The following PCDHGA11 variants were observed in gnomAD, a reference collection of about 807,000 sequenced individuals.
The protein encoded by PCDHGA11 is protocadherin gamma-A11.
PCDHGA11 carries 39 observed loss-of-function variants against 60.4 expected under a neutral mutation model. That is an observed-to-expected ratio of 0.65 (90% CI 0.50 to 0.84). The LOEUF (loss-of-function observed/expected upper bound fraction) is 0.84. Among genes scored for constraint, PCDHGA11 ranks in the 40% least tolerant of loss-of-function variants. The pLI, the probability that PCDHGA11 is intolerant of heterozygous loss-of-function variation, is 0.00. For synonymous variants in PCDHGA11, 533 were observed against 510.3 expected, an observed-to-expected ratio of 1.04 and a Z score of -0.60; for missense variants, 1,165 against 1,197.7, an observed-to-expected ratio of 0.97 and a Z score of 0.40.
chr5:141,425,714 A>G (rs1259037833), intron 1 of PCDHGA11, among the ~76,000 whole-genome samples: 1 of 152,218 alleles, frequency 6.6e-6, no homozygotes, highest in African/African-American at 2.4e-5. Context: ...AAATTTTCCC[A>G]TACCACTTGA....
intron 1 of PCDHGA11, among the ~76,000 whole-genome samples, chr5:141,439,595 G>A (rs752771969): frequency 3.9e-5 from 6 of 152,192 alleles, no homozygotes; most frequent in Non-Finnish European, 5.9e-5. Flanking sequence ...CTGTTGGCCA[G>A]TCTGGAAACA....
At chr5:141,466,574 T>C (rs978880367) in intron 1 of PCDHGA11, among the ~76,000 whole-genome samples, 5 of 152,218 alleles carry the variant, frequency 3.3e-5, no homozygotes, top group Non-Finnish European at 5.9e-5. Flanking sequence ...CAACATTGTC[T>C]CATCCCTTCT....
chr5:141,497,084 G>A (rs1417389801), intron 2 of PCDHGA11, among the ~76,000 whole-genome samples: 1 of 152,098 alleles, frequency 6.6e-6, no homozygotes, highest in East Asian at 1.9e-4. Context: ...AGCGACTTAG[G>A]AGGCTGAGGC....
In PCDHGA11 at chr5:141,485,308, A is replaced by G; in HGVS notation, c.2434-9499A>G. On this transcript the variant is annotated intron_variant, in intron 1 of 3. Coordinates refer to ENST00000398587, the MANE Select transcript of PCDHGA11 (RefSeq NM_018914.3). The surrounding 1 kb of genome is among the most constrained non-coding windows in gnomAD (Gnocchi z 5.7). ...AGGAGTCACAGGAAGGGACTTTTGTAGGGAATGTCGCTCAAGATTTCCTGC... is the reference window on the plus strand; with the variant it reads ...AGGAGTCACAGGAAGGGACTTTTGTGGGGAATGTCGCTCAAGATTTCCTGC... 6.2e-7 allele frequency: 1 copy of G among 1,614,112 alleles called. No individual in the cohort carries two copies. The highest frequency in any genetic ancestry group is 8.5e-7 in the Non-Finnish European group (1 of 1,179,996).
chr5:141,489,288 G>A lies in PCDHGA11; in HGVS notation c.2434-5519G>A. 6.3e-7 allele frequency: 1 copy of A among 1,575,870 alleles called. No homozygotes were observed. Among genetic ancestry groups the A allele is most frequent in the Non-Finnish European group, 8.6e-7 (1 of 1,161,152 alleles). On this transcript the variant is annotated intron_variant, in intron 1 of 3. Coordinates refer to ENST00000398587, the MANE Select transcript of PCDHGA11 (RefSeq NM_018914.3). The surrounding 1 kb of genome is among the most constrained non-coding windows in gnomAD (Gnocchi z 4.5). ...AGCTCGCTGGGAAATGGCAAGTGCT[G>A]TGCATGTTGTCCTTGTGCTGCTGGG...
chr5:141,511,632 G>A lies in PCDHGA11; in HGVS notation c.*459G>A, dbSNP rs1388627906. The A allele has an allele frequency of 8.6e-6, 2 of 231,934 alleles. No homozygotes were observed. The highest frequency in any genetic ancestry group is 5.1e-5 in the Admixed American group (1 of 19,634). 14.4% of individuals were successfully genotyped at this position (231,934 alleles called of 1,614,324 possible). A position where few individuals can be genotyped will look rare whatever the true frequency, so the allele number is the denominator to read the frequency against. On this transcript the variant is annotated 3_prime_UTR_variant, in exon 4 of 4. Transcript: ENST00000398587. ...CCTCCTAGTTCTGAAAAGTTGGAAG[G>A]GCATCATGACCTCTTGGCCTCTCCT...
chr5:141,497,919 T>G (rs762168347), intron 2 of PCDHGA11, among the ~76,000 whole-genome samples: 11 of 152,206 alleles, frequency 7.2e-5, no homozygotes, highest in Non-Finnish European at 1.6e-4. Flanking sequence ...TCTCCTTCAT[T>G]CATTCAACAA....
chr5:141,478,497 CGGTGTTCTATAGGCA>C, intron 1 of PCDHGA11: 1 of 1,612,820 alleles, frequency 6.2e-7, no homozygotes, highest in South Asian at 1.1e-5. Flanking sequence ...AGCTGTGATC[CGGTGTTCTATAGGCA>C]GGTGTTGGGT....
intron 1 of PCDHGA11, among the ~76,000 whole-genome samples, chr5:141,456,969 A>G (rs2098901241): frequency 1.4e-5 from 2 of 147,268 alleles, no homozygotes; most frequent in Non-Finnish European, 3.1e-5. Flanking sequence ...TCTCAAAACA[A>G]AACAAACAAA....
intron 1 of PCDHGA11, among the ~76,000 whole-genome samples, chr5:141,465,984 T>C (rs11953841): frequency 0.18 from 27,399 of 151,848 alleles, 2,640 homozygotes; most frequent in Admixed American, 0.28. Context: ...TAGCCGGGCA[T>C]GGTGGCAGGC....
At chr5:141,459,199 A>G (rs930769883) in intron 1 of PCDHGA11, among the ~76,000 whole-genome samples, 6 of 152,200 alleles carry the variant, frequency 3.9e-5, no homozygotes, top group African/African-American at 1.4e-4. Flanking sequence ...TTTGCAATCA[A>G]TTCACTACTT....
In PCDHGA11 at chr5:141,491,491, G is replaced by C. The variant is rs2099717103; in HGVS notation, c.2434-3316G>C. The C allele has an allele frequency of 1.2e-6, 2 of 1,614,042 alleles. No homozygotes were observed. The highest frequency in any genetic ancestry group is 1.7e-5 in the Admixed American group (1 of 60,016). The stretch of plus-strand genomic sequence containing the variant: ...TAAGCAGTCCAGCCCCAACCTGCAG[G>C]TGAGCTCGGACGGCACGCTCAAGTA... On this transcript the variant is annotated intron_variant, in intron 1 of 3. Transcript: ENST00000398587. The surrounding 1 kb of genome is among the most constrained non-coding windows in gnomAD (Gnocchi z 6.9).
intron 1 of PCDHGA11, chr5:141,427,998 C>G: frequency 6.2e-7 from 1 of 1,600,956 alleles, no homozygotes; most frequent in Non-Finnish European, 8.6e-7. Context: ...TGGCTCCGCA[C>G]TCTTCGATAT....
rs766151180 is a variant in PCDHGA11 at position 141,432,210 on chromosome 5, A to G, written c.2433+8550A>G. On this transcript the variant is annotated intron_variant, in intron 1 of 3. Transcript: ENST00000398587. This position sits in a 1 kb window ranked among gnomAD's most constrained non-coding sequence, Gnocchi z 6.0. Reference sequence around the variant, plus strand: ...GCCCACGACCCCGACTGTGAAGAGAACGCCCAGATCACTTATTCCCTGGCT... The same window carrying G: ...GCCCACGACCCCGACTGTGAAGAGAGCGCCCAGATCACTTATTCCCTGGCT... 1 of 1,614,138 alleles carries G rather than the reference A, an allele frequency of 6.2e-7. No individual in the cohort carries two copies. Among genetic ancestry groups the G allele is most frequent in the Non-Finnish European group, 8.5e-7 (1 of 1,180,018 alleles).
intron 1 of PCDHGA11, among the ~76,000 whole-genome samples, chr5:141,470,737 G>A (rs117064561): frequency 6.6e-6 from 1 of 152,016 alleles, no homozygotes; most frequent in African/African-American, 2.4e-5. Flanking sequence ...TTGCTCTGTC[G>A]CCCTGGCTGG....
chr5:141,425,483 C>A (rs1172308088), intron 1 of PCDHGA11, among the ~76,000 whole-genome samples: 2 of 152,304 alleles, frequency 1.3e-5, no homozygotes, highest in Non-Finnish European at 2.9e-5. Flanking sequence ...CTATGGCAAC[C>A]TACTAGGCTA....
At chr5:141,462,157 A>C (rs1232551906) in intron 1 of PCDHGA11, among the ~76,000 whole-genome samples, 1 of 151,394 alleles carries the variant, frequency 6.6e-6, no homozygotes, top group African/African-American at 2.4e-5. Flanking sequence ...ATGGGGTTTC[A>C]TCATGTTGGC....
intron 1 of PCDHGA11, among the ~76,000 whole-genome samples, chr5:141,446,356 A>G (rs73280911): frequency 0.088 from 13,411 of 152,284 alleles, 771 homozygotes; most frequent in African/African-American, 0.16. Flanking sequence ...CTACCATTTG[A>G]TGAGAATGGA....
Position 141,491,245 on chromosome 5 carries a change from G to A in PCDHGA11, c.2434-3562G>A, listed in dbSNP as rs1171588507. ...CACAGTGCTGCTGGTTCTGGAGGATGAGGACCCTGAGGAAATGCCCAAATC... is the reference window on the plus strand; with the variant it reads ...CACAGTGCTGCTGGTTCTGGAGGATAAGGACCCTGAGGAAATGCCCAAATC... On this transcript the variant is annotated intron_variant, in intron 1 of 3. Transcript: ENST00000398587. The surrounding 1 kb of genome is among the most constrained non-coding windows in gnomAD (Gnocchi z 6.9). 2 of 1,614,086 alleles carry A rather than the reference G, an allele frequency of 1.2e-6. No individual in the cohort carries two copies. Among genetic ancestry groups the A allele is most frequent in the East Asian group, 4.5e-5 (2 of 44,888 alleles).
Sources: gnomAD v4.1 joint callset for allele counts (sites outside exome capture counted in the v4.1 genomes callset) on GRCh38, gnomAD v4.1.1 for gene constraint, Gnocchi (gnomAD v3.1) non-coding constraint, MANE v1.5 for transcripts, NCBI Gene and HGNC (gene_info 2026-07-23, HGNC 2026-07-21) for gene names.